PLB1: variants seen among roughly 807,000 people sequenced by gnomAD.
PLB1 encodes the protein phospholipase B1, membrane-associated.
A neutral mutation model predicts 227.4 loss-of-function variants in PLB1; 242 were observed. The observed-to-expected ratio is 1.06, with a 90% CI of 0.96 to 1.18. The LOEUF (loss-of-function observed/expected upper bound fraction) is 1.18. Among genes scored for constraint, PLB1 ranks in the 50% most tolerant of loss-of-function variants. PLB1 has a pLI of 0.00. For missense variants in PLB1, 1,858 were observed against 1,816.3 expected (o/e 1.02, Z -0.42); for synonymous variants, 757 against 682.2 (o/e 1.11, Z -1.71).
At chr2:28,583,663 G>A (rs1365651281) in intron 25 of PLB1, among the ~76,000 whole-genome samples, 4 of 152,070 alleles carry the variant, frequency 2.6e-5, no homozygotes, top group Non-Finnish European at 5.9e-5. Context: ...CAGATCCTGC[G>A]GCTCAAGCAT....
At chr2:28,525,363 A>ATTTT in intron 5 of PLB1, 56 bp downstream of exon 5, 1 of 1,554,316 alleles carries the variant, frequency 6.4e-7, no homozygotes, top group Non-Finnish European at 8.8e-7. Context: ...CTCCCATCTA[A>ATTTT]TCTTCTTGCC....
intron 44 of PLB1, among the ~76,000 whole-genome samples, chr2:28,615,503 A>G (rs1686068905): frequency 6.6e-6 from 1 of 152,222 alleles, no homozygotes; most frequent in East Asian, 1.9e-4. Context: ...GAAATCATTA[A>G]GAACTATTGG....
chr2:28,606,680 A>G, intron 43 of PLB1, 113 bp downstream of exon 43: 1 of 949,578 alleles, frequency 1.1e-6, no homozygotes, highest in Non-Finnish European at 1.7e-6. Context: ...CCCCTTACTG[A>G]GGCCTGAGAG....
chr2:28,566,678 C>T, intron 19 of PLB1, 118 bp from the exon 20 acceptor site: 1 of 1,137,954 alleles, frequency 8.8e-7, no homozygotes, highest in Non-Finnish European at 1.3e-6. Context: ...GGGGAAAGTG[C>T]AAGCTCCAGG....
At chr2:28,629,062 G>A (rs1174914623) in intron 52 of PLB1, 32 bp from the exon 53 acceptor site, 1 of 1,594,018 alleles carries the variant, frequency 6.3e-7, no homozygotes, top group Non-Finnish European at 8.6e-7. Flanking sequence ...AGTAGCCAGT[G>A]CCCTAACGAA....
intron 4 of PLB1, 26 bp downstream of exon 4, chr2:28,519,789 A>G: frequency 6.3e-7 from 1 of 1,589,828 alleles, no homozygotes; most frequent in East Asian, 2.2e-5. Context: ...AGCTTGGGGC[A>G]GGAGACAGAG....
chr2:28,631,980 A>T, intron 54 of PLB1, 56 bp from the exon 55 acceptor site: 2 of 1,447,496 alleles, frequency 1.4e-6, no homozygotes, highest in Non-Finnish European at 9.7e-7. Context: ...GCAGGACTGG[A>T]CCCTGTCTGT....
intron 42 of PLB1, among the ~76,000 whole-genome samples, chr2:28,606,158 G>C (rs1684646641): frequency 6.6e-6 from 1 of 152,180 alleles, no homozygotes; most frequent in Non-Finnish European, 1.5e-5. Flanking sequence ...ACTCTGAGGA[G>C]GGACCTCTCT....
At chr2:28,582,768 A>G (rs1680261691) in intron 25 of PLB1, among the ~76,000 whole-genome samples, 1 of 152,144 alleles carries the variant, frequency 6.6e-6, no homozygotes, top group South Asian at 2.1e-4. Flanking sequence ...GGCACCCTCC[A>G]GGCCTCCAGA....
At chr2:28,628,453 C>T in intron 51 of PLB1, 110 bp from the exon 52 acceptor site, 1 of 945,918 alleles carries the variant, frequency 1.1e-6, no homozygotes, top group Non-Finnish European at 1.7e-6. Context: ...ACCGAAGCCC[C>T]TCTGTACCCA....
chr2:28,591,017 G>C, intron 29 of PLB1, 116 bp from the exon 30 acceptor site: 1 of 1,310,946 alleles, frequency 7.6e-7, no homozygotes, highest in Non-Finnish European at 1.1e-6. Flanking sequence ...GGCTGGGCTT[G>C]GGACACAGGG....
At chr2:28,555,202 C>T (rs904341308) in intron 17 of PLB1, among the ~76,000 whole-genome samples, 6 of 131,854 alleles carry the variant, frequency 4.6e-5, no homozygotes, top group African/African-American at 1.5e-4. Flanking sequence ...AGTGAAGTGG[C>T]GTGATTTCCG....
chr2:28,549,906 G>C (rs1396741685), intron 15 of PLB1, 104 bp from the exon 16 acceptor site: 1 of 896,890 alleles, frequency 1.1e-6, no homozygotes, highest in Non-Finnish European at 1.8e-6. Context: ...AGCGTGATGT[G>C]AATGTTCCTA....
Position 28,590,062 on chromosome 2 carries a change from A to C in PLB1, c.2074A>C (p.Thr692Pro), listed in dbSNP as rs758931509. 7.4e-6 allele frequency: 12 copies of C among 1,612,516 alleles called. No individual in the cohort carries two copies. Among genetic ancestry groups the C allele is most frequent in the Non-Finnish European group, 9.3e-6 (11 of 1,178,652 alleles). Reference sequence around the variant, plus strand: ...TAAGTTTGAAAACAAGATCAATATCACATGTCCGAACCAGGTAGAGTGGAA... The same window carrying C: ...TAAGTTTGAAAACAAGATCAATATCCCATGTCCGAACCAGGTAGAGTGGAA... ...RHKFENKINITCPNQVQPFLR... is the reference protein window; with the variant it reads ...RHKFENKINIPCPNQVQPFLR... Residue 692 changes from threonine (T) to proline (P), a missense_variant, in exon 29 of 58, where the codon ACA (threonine) becomes CCA (proline). Physicochemically the swap from Thr to Pro is conservative, Grantham distance 38. Transcript: ENST00000327757.
chr2:28,550,618 G>C (rs532845798), intron 16 of PLB1, among the ~76,000 whole-genome samples: 31 of 148,900 alleles, frequency 2.1e-4, no homozygotes, highest in African/African-American at 7.2e-4. Flanking sequence ...TCAGCTCACT[G>C]TAACCTTAGC....
intron 1 of PLB1, among the ~76,000 whole-genome samples, chr2:28,496,412 G>A (rs1454676900): frequency 6.6e-6 from 1 of 152,156 alleles, no homozygotes; most frequent in Non-Finnish European, 1.5e-5. Flanking sequence ...GGAGAGAAGT[G>A]CAGTCCGGTA....
At chr2:28,581,453 T>C (rs1679924601) in intron 23 of PLB1, among the ~76,000 whole-genome samples, 3 of 148,482 alleles carry the variant, frequency 2.0e-5, no homozygotes, top group Non-Finnish European at 1.5e-5. Flanking sequence ...CTACAGTTAG[T>C]GGATATGGAG....
At chr2:28,592,639 G>C (rs1339483948) in intron 31 of PLB1, 22 bp from the exon 32 acceptor site, 1 of 1,613,640 alleles carries the variant, frequency 6.2e-7, no homozygotes, top group Non-Finnish European at 8.5e-7. Context: ...GCAGCCCTAA[G>C]TGTGTCCACT....
chr2:28,518,211 A>C (rs1392574044), intron 2 of PLB1, among the ~76,000 whole-genome samples: 1 of 152,010 alleles, frequency 6.6e-6, no homozygotes, highest in Non-Finnish European at 1.5e-5. Context: ...ATTCTTCTTC[A>C]TCTTTCTTCC....
Sources: gnomAD v4.1 joint callset for allele counts (sites outside exome capture counted in the v4.1 genomes callset) on GRCh38, gnomAD v4.1.1 for gene constraint, MANE v1.5 for transcripts, NCBI Gene and HGNC (gene_info 2026-07-23, HGNC 2026-07-21) for gene names.